BANF2: variants seen among roughly 807,000 people sequenced by gnomAD.
The protein encoded by BANF2 is BANF family member 2.
Under a neutral mutation model 8.0 loss-of-function variants are expected in BANF2, and 4 were observed. That is an observed-to-expected ratio of 0.50 (90% CI 0.25 to 1.14). The LOEUF (loss-of-function observed/expected upper bound fraction) is 1.14, where lower values mean the gene tolerates loss of function less well. Ranked by LOEUF, BANF2 falls within the 50% of genes most tolerant of loss-of-function variation. The pLI, the probability that BANF2 is intolerant of heterozygous loss-of-function variation, is 0.16. For synonymous variants in BANF2, 50 were observed against 40.6 expected, an observed-to-expected ratio of 1.23 and a Z score of -0.88; for missense variants, 96 against 107.5, an observed-to-expected ratio of 0.89 and a Z score of 0.47.
intron 2 of BANF2, among the ~76,000 whole-genome samples, chr20:17,723,898 G>A (rs746550359): frequency 1.3e-5 from 2 of 152,176 alleles, no homozygotes; most frequent in Admixed American, 6.5e-5. Context: ...GGGAGGCTGA[G>A]GCAGGAGAAT....
chr20:17,732,508 C>T (rs1034978510), intron 3 of BANF2, among the ~76,000 whole-genome samples: 22 of 152,216 alleles, frequency 1.4e-4, no homozygotes, highest in Non-Finnish European at 2.6e-4. Flanking sequence ...ACGCGGCTGC[C>T]ACCATACCAG....
At chr20:17,718,802 A>C (rs1209154227) in intron 1 of BANF2, among the ~76,000 whole-genome samples, 1 of 152,216 alleles carries the variant, frequency 6.6e-6, no homozygotes, top group Non-Finnish European at 1.5e-5. Context: ...TAAAAAGTTG[A>C]CGCTCTAAGC....
chr20:17,706,767 T>C (rs1162573377), intron 1 of BANF2, among the ~76,000 whole-genome samples: 3 of 152,316 alleles, frequency 2.0e-5, no homozygotes, highest in African/African-American at 7.2e-5. Flanking sequence ...AATGAGCAGA[T>C]GGCAGTGGCT....
intron 1 of BANF2, among the ~76,000 whole-genome samples, chr20:17,711,842 G>T (rs1005465330): frequency 6.6e-6 from 1 of 152,172 alleles, no homozygotes; most frequent in Non-Finnish European, 1.5e-5. Context: ...GGAGACCTGC[G>T]CATGGCACCA....
At chr20:17,713,345 A>G (rs1420166821) in intron 1 of BANF2, among the ~76,000 whole-genome samples, 5 of 152,166 alleles carry the variant, frequency 3.3e-5, no homozygotes, top group African/African-American at 1.2e-4. Context: ...TCACCAAAAG[A>G]CAACCCCTGT....
chr20:17,720,740 G>C (rs2037716780), intron 1 of BANF2, among the ~76,000 whole-genome samples: 1 of 152,208 alleles, frequency 6.6e-6, no homozygotes, highest in African/African-American at 2.4e-5. Flanking sequence ...ACAACAATGG[G>C]AATGCACTTA....
chr20:17,695,144 C>A (rs1050986499), upstream of BANF2, among the ~76,000 whole-genome samples: 1 of 151,966 alleles, frequency 6.6e-6, no homozygotes, highest in African/African-American at 2.4e-5. Context: ...AAAAAATGAA[C>A]ATTTTTCATT....
chr20:17,705,834 A>G (rs1053688219), intron 1 of BANF2, among the ~76,000 whole-genome samples: 5 of 152,136 alleles, frequency 3.3e-5, no homozygotes, highest in African/African-American at 1.2e-4. Flanking sequence ...ATCTCTTTGT[A>G]CCTCAGGGCA....
intron 1 of BANF2, chr20:17,712,664 G>C: frequency 1.9e-6 from 1 of 520,528 alleles, no homozygotes; most frequent in Non-Finnish European, 2.5e-6. Context: ...ATGGGGCAGA[G>C]AAGGTAGATT....
chr20:17,703,638 C>T (rs1600212387), intron 1 of BANF2, among the ~76,000 whole-genome samples: 2 of 152,160 alleles, frequency 1.3e-5, no homozygotes, highest in East Asian at 3.8e-4. Context: ...CCCAAGAAGG[C>T]CTCACTCACA....
At chr20:17,725,874 C>T (rs548365416) in intron 3 of BANF2, among the ~76,000 whole-genome samples, 53 of 152,236 alleles carry the variant, frequency 3.5e-4, no homozygotes, top group Admixed American at 6.5e-4. Flanking sequence ...GTCTACCAGG[C>T]GGGACAGTGT....
chr20:17,724,034 C>T (rs996808966), intron 2 of BANF2, among the ~76,000 whole-genome samples: 2 of 152,102 alleles, frequency 1.3e-5, no homozygotes, highest in Non-Finnish European at 2.9e-5. Flanking sequence ...GATGGCAACC[C>T]TCATTTAACA....
intron 1 of BANF2, among the ~76,000 whole-genome samples, chr20:17,694,798 T>C (rs1484544632): frequency 1.3e-5 from 2 of 151,530 alleles, no homozygotes; most frequent in Admixed American, 6.6e-5. Flanking sequence ...TTTTTAAAAT[T>C]TTCTGTAGAG....
chr20:17,712,832 CT>C (rs1398391353), intron 1 of BANF2, among the ~76,000 whole-genome samples: 1 of 152,064 alleles, frequency 6.6e-6, no homozygotes, highest in Non-Finnish European at 1.5e-5. Context: ...TACAGTGCCC[CT>C]ACGTTTATAG....
chr20:17,718,171 G>A (rs1156771504), intron 1 of BANF2, among the ~76,000 whole-genome samples: 1 of 152,066 alleles, frequency 6.6e-6, no homozygotes, highest in East Asian at 1.9e-4. Flanking sequence ...TCTAATGGGA[G>A]TCACTTTTTG....
At chr20:17,710,028 G>T (rs1473393564) in intron 1 of BANF2, among the ~76,000 whole-genome samples, 2 of 152,234 alleles carry the variant, frequency 1.3e-5, no homozygotes, top group African/African-American at 2.4e-5. Flanking sequence ...ACTGCCATGA[G>T]CACTGGGGGC....
intron 3 of BANF2, among the ~76,000 whole-genome samples, chr20:17,731,011 T>C (rs1397697443): frequency 6.6e-6 from 1 of 152,210 alleles, no homozygotes; most frequent in Non-Finnish European, 1.5e-5. Flanking sequence ...GCGTGGTAGC[T>C]CCTGCCTGTA....
intron 1 of BANF2, among the ~76,000 whole-genome samples, chr20:17,715,469 G>A (rs2037638749): frequency 6.6e-6 from 1 of 152,234 alleles, no homozygotes; most frequent in South Asian, 2.1e-4. Flanking sequence ...TATAATCAAA[G>A]GGCCATGTGT....
At chr20:17,735,149 C>G (rs963150132) in intron 3 of BANF2, among the ~76,000 whole-genome samples, 1 of 152,170 alleles carries the variant, frequency 6.6e-6, no homozygotes, top group African/African-American at 2.4e-5. Flanking sequence ...AAATCCCATG[C>G]TACAACAATT....
Sources: allele counts gnomAD v4.1 joint callset (sites outside exome capture counted in the v4.1 genomes callset), GRCh38; gene constraint gnomAD v4.1.1; transcripts MANE v1.5; gene names NCBI Gene and HGNC (gene_info 2026-07-23, HGNC 2026-07-21).